Variants in CLSTN2 observed in about 807,000 individuals in gnomAD.
CLSTN2 encodes the protein calsyntenin 2.
CLSTN2 carries 48 observed loss-of-function variants against 101.2 expected under a neutral mutation model. That is an observed-to-expected ratio of 0.47 (90% CI 0.38 to 0.60). The LOEUF (loss-of-function observed/expected upper bound fraction) is 0.60, where lower values mean the gene tolerates loss of function less well. Among genes scored for constraint, CLSTN2 ranks in the 20% least tolerant of loss-of-function variants. CLSTN2 has a pLI of 0.00. For synonymous variants in CLSTN2, 481 were observed against 463.6 expected, an observed-to-expected ratio of 1.04 and a Z score of -0.48; for missense variants, 1,160 against 1,238.2, an observed-to-expected ratio of 0.94 and a Z score of 0.95.
chr3:140,320,191 C>T (rs1285251023), intron 2 of CLSTN2, among the ~76,000 whole-genome samples: 1 of 152,156 alleles, frequency 6.6e-6, no homozygotes, highest in Admixed American at 6.5e-5. Context: ...ACCTAAAGAA[C>T]CTAAGAACTC....
chr3:140,334,397 G>A (rs2087420783), intron 2 of CLSTN2, among the ~76,000 whole-genome samples: 1 of 152,186 alleles, frequency 6.6e-6, no homozygotes. Context: ...GAACAGTGTT[G>A]GTGGATTCAT....
intron 2 of CLSTN2, among the ~76,000 whole-genome samples, chr3:140,254,312 A>G (rs1459974880): frequency 6.6e-6 from 1 of 152,182 alleles, no homozygotes; most frequent in Non-Finnish European, 1.5e-5. Flanking sequence ...AGTTTCCCAA[A>G]CAAATTTATA....
chr3:140,519,908 G>A (rs1483290324), intron 8 of CLSTN2, among the ~76,000 whole-genome samples: 1 of 152,192 alleles, frequency 6.6e-6, no homozygotes, highest in East Asian at 1.9e-4. Context: ...AGTGTCACTG[G>A]TTTGTGTACT....
chr3:140,486,569 CAG>C (rs1314763062), intron 8 of CLSTN2, among the ~76,000 whole-genome samples: 3 of 152,182 alleles, frequency 2.0e-5, no homozygotes, highest in African/African-American at 4.8e-5. Flanking sequence ...CACTTTAGTT[CAG>C]AGTCTATGAG....
chr3:140,223,256 AG>A (rs2086290500), intron 2 of CLSTN2, among the ~76,000 whole-genome samples: 1 of 152,214 alleles, frequency 6.6e-6, no homozygotes, highest in African/African-American at 2.4e-5. Context: ...AGAAAGGAAA[AG>A]TTTGTTATGA....
chr3:140,009,202 CA>C (rs1278108305), intron 1 of CLSTN2, among the ~76,000 whole-genome samples: 8 of 152,070 alleles, frequency 5.3e-5, no homozygotes, highest in Non-Finnish European at 8.8e-5. Flanking sequence ...TGTACTTATC[CA>C]GCCATGCTAT....
In CLSTN2 at chr3:140,404,668, A is replaced by C. The variant is rs749721669; in HGVS notation, c.539A>C (p.Gln180Pro). 6.2e-7 allele frequency: 1 copy of C among 1,614,210 alleles called. No individual in the cohort carries two copies. The change falls in exon 4 of 17, where the codon CAG (glutamine) becomes CCG (proline). Residue 180 changes from glutamine to proline, a missense_variant. Gln to Pro is a moderately conservative substitution (Grantham distance 76). Coordinates refer to ENST00000458420, the MANE Select transcript of CLSTN2 (RefSeq NM_022131.3). The part of the protein sequence containing the change: ...TEGKIYDSIL[Q>P]VEAIDEDCSP... ...GGCAAGATCTATGACAGCATTCTGCAGGTGGAGGCCATTGACGAGGACTGC... is the reference window on the plus strand; with the variant it reads ...GGCAAGATCTATGACAGCATTCTGCCGGTGGAGGCCATTGACGAGGACTGC...
intron 2 of CLSTN2, among the ~76,000 whole-genome samples, chr3:140,297,900 T>C (rs965715473): frequency 3.9e-5 from 6 of 152,184 alleles, no homozygotes; most frequent in African/African-American, 1.4e-4. Flanking sequence ...CCATTGAAAG[T>C]AGAAAATACA....
In CLSTN2 at chr3:140,562,828, C is replaced by T. The variant is rs761770065; in HGVS notation, c.2230C>T (p.Arg744Cys). ...TGGCACAGGTGTGGGCTCCATGAGCCGCTATGAGCAGGTGCTACATCACAT... is the reference window on the plus strand; with the variant it reads ...TGGCACAGGTGTGGGCTCCATGAGCTGCTATGAGCAGGTGCTACATCACAT... ...YSIYGVGSMS[R>C]YEQVLHHIRY... The change falls in exon 14 of 17, where the codon CGC becomes TGC. Residue 744 changes from arginine (R) to cysteine (C), a missense_variant. Physicochemically the swap from Arg to Cys is radical, Grantham distance 180 (BLOSUM62 -3). Coordinates refer to ENST00000458420, the MANE Select transcript of CLSTN2 (RefSeq NM_022131.3). 54 of 1,613,842 alleles carry T rather than the reference C, an allele frequency of 3.3e-5. No individual in the cohort carries two copies. The highest frequency in any genetic ancestry group is 2.2e-4 in the South Asian group (20 of 91,076).
intron 1 of CLSTN2, among the ~76,000 whole-genome samples, chr3:140,134,434 C>T (rs2009568973): frequency 6.6e-6 from 1 of 152,148 alleles, no homozygotes; most frequent in Non-Finnish European, 1.5e-5. Flanking sequence ...CCAACCCCCA[C>T]CCCACCCATC....
At chr3:140,232,927 C>T (rs1194184321) in intron 2 of CLSTN2, among the ~76,000 whole-genome samples, 1 of 152,110 alleles carries the variant, frequency 6.6e-6, no homozygotes, top group Non-Finnish European at 1.5e-5. Flanking sequence ...TGCTGACTGA[C>T]CTCCCCTCCG....
At chr3:140,154,117 A>G (rs905224225) in intron 1 of CLSTN2, among the ~76,000 whole-genome samples, 2 of 152,188 alleles carry the variant, frequency 1.3e-5, no homozygotes, top group Admixed American at 1.3e-4. Flanking sequence ...AGGTGTGATC[A>G]TTGTGATGAA....
intron 1 of CLSTN2, among the ~76,000 whole-genome samples, chr3:140,046,165 TCTAAGGA>T (rs1485808921): frequency 6.6e-6 from 1 of 152,220 alleles, no homozygotes; most frequent in Non-Finnish European, 1.5e-5. Flanking sequence ...TTTGTAGGTC[TCTAAGGA>T]CTTGCTTTAT....
chr3:140,180,861 T>C (rs1418490571), intron 2 of CLSTN2, among the ~76,000 whole-genome samples: 1 of 152,208 alleles, frequency 6.6e-6, no homozygotes, highest in East Asian at 1.9e-4. Flanking sequence ...TGCTCTTTCA[T>C]ACATGGTTAA....
At chr3:139,944,672 T>C (rs1935188024) in intron 1 of CLSTN2, among the ~76,000 whole-genome samples, 1 of 152,168 alleles carries the variant, frequency 6.6e-6, no homozygotes, top group South Asian at 2.1e-4. Context: ...ATGCTGAGTG[T>C]TGAGGGGGTG....
chr3:140,289,536 G>A (rs998488758), intron 2 of CLSTN2, among the ~76,000 whole-genome samples: 2 of 152,154 alleles, frequency 1.3e-5, no homozygotes, highest in African/African-American at 4.8e-5. Flanking sequence ...AATCCCATCT[G>A]TGGCACAGCA....
chr3:140,078,969 G>A (rs559496713), intron 1 of CLSTN2, among the ~76,000 whole-genome samples: 1 of 152,290 alleles, frequency 6.6e-6, no homozygotes, highest in Admixed American at 6.5e-5. Context: ...AGGATACCAT[G>A]GAAATGCTGG....
At position 140,257,827 on chromosome 3, in the gene CLSTN2, T is replaced by C. The variant is rs997289015; in HGVS notation, c.232+81754T>C. Reference sequence around the variant, plus strand: ...AAAATGGCATTGTCATGATTTTTTGTGCTCAAAGATCAATCTCTAGTTCAG... The same window carrying C: ...AAAATGGCATTGTCATGATTTTTTGCGCTCAAAGATCAATCTCTAGTTCAG... On this transcript the variant is annotated intron_variant, in intron 2 of 16. Coordinates refer to ENST00000458420, the MANE Select transcript of CLSTN2 (RefSeq NM_022131.3). Among the ~76,000 whole-genome samples the C allele has an allele frequency of 2.0e-5, 3 of 152,186 alleles. No homozygotes were observed. The East Asian group carries it at 5.8e-4, about 29-fold the overall frequency.
At chr3:140,072,710 G>A (rs77031898) in intron 1 of CLSTN2, among the ~76,000 whole-genome samples, 6,400 of 152,256 alleles carry the variant, frequency 0.042, 440 homozygotes, top group African/African-American at 0.14. Flanking sequence ...CAGTTTTAAT[G>A]AGCTGTCACT....
Sources: allele counts gnomAD v4.1 joint callset (sites outside exome capture counted in the v4.1 genomes callset), GRCh38; gene constraint gnomAD v4.1.1; transcripts MANE v1.5; gene names NCBI Gene and HGNC (gene_info 2026-07-23, HGNC 2026-07-21).